The following DPP6 variants were observed in gnomAD, a reference collection of about 807,000 sequenced individuals.
DPP6 encodes the protein dipeptidyl peptidase like 6.
DPP6 carries 69 observed loss-of-function variants against 122.6 expected under a neutral mutation model. The ratio of observed to expected loss-of-function variants is 0.56; its 90% CI spans 0.46 to 0.69. DPP6 has a LOEUF of 0.69. Among genes scored for constraint, DPP6 ranks in the 30% least tolerant of loss-of-function variants. DPP6 has a pLI of 0.00. For missense variants in DPP6, 928 were observed against 1,116.9 expected (o/e 0.83, Z 2.41); for synonymous variants, 418 against 433.1 (o/e 0.97, Z 0.43).
At chr7:154,281,923 A>C (rs1804541438) in intron 1 of DPP6, among the ~76,000 whole-genome samples, 1 of 152,210 alleles carries the variant, frequency 6.6e-6, no homozygotes, top group Non-Finnish European at 1.5e-5. Flanking sequence ...GATGCTCAGC[A>C]TCCAGTACAG....
the DPP6 span, among the ~76,000 whole-genome samples, chr7:153,771,161 G>T: frequency 6.6e-6 from 1 of 152,114 alleles, no homozygotes; most frequent in Non-Finnish European, 1.5e-5. Context: ...CAATATAAGT[G>T]CATTTGTGTA....
chr7:153,927,956 A>G (rs1469169658), intron 1 of DPP6, among the ~76,000 whole-genome samples: 1 of 152,196 alleles, frequency 6.6e-6, no homozygotes, highest in African/African-American at 2.4e-5. Context: ...TCTGAAGACC[A>G]TGGGTTCAGA....
the DPP6 span, among the ~76,000 whole-genome samples, chr7:153,881,416 A>C: frequency 6.6e-6 from 1 of 152,210 alleles, no homozygotes; most frequent in Non-Finnish European, 1.5e-5. Context: ...ATCTGTGAGC[A>C]GGGTTGATAT....
chr7:154,089,025 G>A (rs1378862202), intron 1 of DPP6, among the ~76,000 whole-genome samples: 1 of 152,108 alleles, frequency 6.6e-6, no homozygotes, highest in Non-Finnish European at 1.5e-5. Context: ...AAGTCACAGA[G>A]CCAGGACCTC....
intron 2 of DPP6, among the ~76,000 whole-genome samples, chr7:154,470,761 A>G (rs1377572156): frequency 2.0e-5 from 3 of 152,204 alleles, no homozygotes; most frequent in Non-Finnish European, 4.4e-5. Flanking sequence ...ATCAAGCTAA[A>G]GGGCTGGAAG....
chr7:154,102,087 G>A (rs1805772688), intron 1 of DPP6, among the ~76,000 whole-genome samples: 1 of 151,996 alleles, frequency 6.6e-6, no homozygotes, highest in South Asian at 2.1e-4. Flanking sequence ...CCTCAAAGAT[G>A]AAGCTATTCT....
intron 1 of DPP6, among the ~76,000 whole-genome samples, chr7:154,165,068 C>A (rs1358747960): frequency 6.6e-6 from 1 of 151,204 alleles, no homozygotes; most frequent in Non-Finnish European, 1.5e-5. Context: ...AGGTTAGTTA[C>A]ATATGTATAC....
At chr7:153,855,946 A>T in the DPP6 span, among the ~76,000 whole-genome samples, 1 of 152,166 alleles carries the variant, frequency 6.6e-6, no homozygotes, top group African/African-American at 2.4e-5. Context: ...CCCAACTATT[A>T]TGTAGTGCCA....
the DPP6 span, among the ~76,000 whole-genome samples, chr7:153,814,042 C>G: frequency 1.3e-5 from 2 of 152,040 alleles, no homozygotes; most frequent in Non-Finnish European, 2.9e-5. Flanking sequence ...TCCCATTTGT[C>G]AATTTTGGCT....
intron 1 of DPP6, among the ~76,000 whole-genome samples, chr7:154,359,822 C>T (rs1008037532): frequency 1.3e-5 from 2 of 152,206 alleles, no homozygotes; most frequent in African/African-American, 4.8e-5. Flanking sequence ...TCAAACACTA[C>T]AGCACTTGAG....
At chr7:154,502,712 A>G (rs753767648) in intron 3 of DPP6, among the ~76,000 whole-genome samples, 14 of 152,156 alleles carry the variant, frequency 9.2e-5, no homozygotes, top group Non-Finnish European at 1.6e-4. Context: ...AATACAACTT[A>G]TGAGTTGAAT....
intron 1 of DPP6, among the ~76,000 whole-genome samples, chr7:154,441,619 G>T (rs377032495): frequency 6.6e-6 from 1 of 152,174 alleles, no homozygotes; most frequent in East Asian, 1.9e-4. Flanking sequence ...AAGATGAGAC[G>T]TGTCAGATTT....
chr7:154,248,852 G>C (rs1310859912), intron 1 of DPP6, among the ~76,000 whole-genome samples: 3 of 151,818 alleles, frequency 2.0e-5, no homozygotes, highest in African/African-American at 7.3e-5. Flanking sequence ...AGCAACAGAG[G>C]GAGACTCCGT....
At chr7:154,086,068 A>G (rs1804395770) in intron 1 of DPP6, among the ~76,000 whole-genome samples, 1 of 152,062 alleles carries the variant, frequency 6.6e-6, no homozygotes. Flanking sequence ...ACCTTTGATG[A>G]AGGTGTTAAG....
At chr7:154,453,348 A>G (rs970905250) in intron 2 of DPP6, among the ~76,000 whole-genome samples, 3 of 151,874 alleles carry the variant, frequency 2.0e-5, no homozygotes, top group Non-Finnish European at 4.4e-5. Context: ...AGAACACAAG[A>G]CTCGTCAGTC....
intron 1 of DPP6, among the ~76,000 whole-genome samples, chr7:154,439,926 G>T (rs1819216009): frequency 6.6e-6 from 1 of 152,170 alleles, no homozygotes; most frequent in Admixed American, 6.5e-5. Context: ...ATACGGAAAG[G>T]GTGTGGGAGA....
chr7:154,870,174 A>G (rs1280199465), intron 18 of DPP6, among the ~76,000 whole-genome samples: 1 of 143,044 alleles, frequency 7.0e-6, no homozygotes, highest in Admixed American at 7.2e-5. Flanking sequence ...TCGTAGAGAC[A>G]GGGTCTCACT....
chr7:154,808,782 GA>G (rs796075609), intron 16 of DPP6, among the ~76,000 whole-genome samples: 13 of 152,324 alleles, frequency 8.5e-5, no homozygotes, highest in African/African-American at 3.1e-4. Context: ...GTCTTTTGAG[GA>G]GCTACATAAT....
At chr7:154,491,297 A>G (rs1824256833) in intron 3 of DPP6, among the ~76,000 whole-genome samples, 1 of 152,198 alleles carries the variant, frequency 6.6e-6, no homozygotes, top group Non-Finnish European at 1.5e-5. Flanking sequence ...GGGAGTGCCA[A>G]TTTACCAGCT....
Sources: gnomAD v4.1 joint callset for allele counts (sites outside exome capture counted in the v4.1 genomes callset) on GRCh38, gnomAD v4.1.1 for gene constraint, MANE v1.5 for transcripts, NCBI Gene and HGNC (gene_info 2026-07-23, HGNC 2026-07-21) for gene names.